The following SHLD2 variants were observed in gnomAD, a reference collection of about 807,000 sequenced individuals.
The protein encoded by SHLD2 is RINN1-REV7-interacting novel NHEJ regulator 2.
A neutral mutation model predicts 73.2 loss-of-function variants in SHLD2; 30 were observed. That is an observed-to-expected ratio of 0.41 (90% CI 0.31 to 0.56). The LOEUF is 0.56. SHLD2 is among the 20% of genes least tolerant of loss of function. The pLI, the probability that SHLD2 is intolerant of heterozygous loss-of-function variation, is 0.28. For synonymous variants in SHLD2, 285 were observed against 370.1 expected, an observed-to-expected ratio of 0.77 and a Z score of 2.64; for missense variants, 745 against 1,055.9, an observed-to-expected ratio of 0.71 and a Z score of 4.08.
rs972108890 is a variant in SHLD2, at chr10:87,098,038, A to G, written c.-6+1049A>G. Among the ~76,000 whole-genome samples, 6 of 152,128 alleles carry G rather than the reference A, an allele frequency of 3.9e-5. No homozygotes were observed. The South Asian group carries it at 8.3e-4, about 21-fold the overall frequency. On this transcript the variant is annotated intron_variant, in intron 2 of 9. Coordinates refer to ENST00000298786, the MANE Select transcript of SHLD2 (RefSeq NM_001330112.2). ...TGGCCACCGAAAGTGCTGGGATTAC[A>G]GGTGTTGAGCCACTGCACCTGGTCA...
intron 2 of SHLD2, among the ~76,000 whole-genome samples, chr10:87,142,979 G>C (rs1431748594): frequency 7.0e-6 from 1 of 143,032 alleles, no homozygotes; most frequent in Non-Finnish European, 1.5e-5. Flanking sequence ...ATCCAGGCTG[G>C]AGTGCAGTGG....
chr10:87,136,025 A>G (rs1173444906), intron 2 of SHLD2, among the ~76,000 whole-genome samples: 1 of 151,674 alleles, frequency 6.6e-6, no homozygotes, highest in Non-Finnish European at 1.5e-5. Context: ...CTCAAGGGCA[A>G]AGTGTCTATA....
In SHLD2 at chr10:87,151,862, T is replaced by C; in HGVS notation, c.508T>C (p.Leu170=). Residue 170 remains leucine, a synonymous_variant, in exon 3 of 10, where the codon TTG becomes CTG. Transcript: ENST00000298786. The stretch of plus-strand genomic sequence containing the variant: ...GAACTTTAACACAAATTTGTTTCAG[T>C]TGGGCCATAAATGTGCAGCTGTGTT... The part of the protein sequence containing the change: ...GKNFNTNLFQ[L]GHKCAAVLDL... 6.2e-7 allele frequency: 1 copy of C among 1,611,670 alleles called. No individual in the cohort carries two copies. Among genetic ancestry groups the C allele is most frequent in the Non-Finnish European group, 8.5e-7 (1 of 1,179,640 alleles).
At chr10:87,149,488 C>T (rs934417706) in intron 2 of SHLD2, among the ~76,000 whole-genome samples, 7 of 151,818 alleles carry the variant, frequency 4.6e-5, no homozygotes, top group African/African-American at 1.7e-4. Context: ...TTTGGGAGGC[C>T]AAGGTGGGTG....
At chr10:87,134,869 C>G (rs1283374130) in intron 2 of SHLD2, among the ~76,000 whole-genome samples, 1 of 152,152 alleles carries the variant, frequency 6.6e-6, no homozygotes, top group Non-Finnish European at 1.5e-5. Context: ...AAGCTGGCCT[C>G]CAGAAGGCTG....
At chr10:87,110,238 A>G (rs758601989) in intron 2 of SHLD2, among the ~76,000 whole-genome samples, 1 of 152,000 alleles carries the variant, frequency 6.6e-6, no homozygotes, top group Non-Finnish European at 1.5e-5. Context: ...GCAGTGAGCT[A>G]TGATTCTACC....
intron 2 of SHLD2, among the ~76,000 whole-genome samples, chr10:87,142,070 C>T (rs1358845049): frequency 1.3e-5 from 2 of 150,770 alleles, no homozygotes; most frequent in East Asian, 1.9e-4. Flanking sequence ...CCCATAAGTA[C>T]GTACAATTAC....
chr10:87,120,984 A>C (rs1843578614), intron 2 of SHLD2, among the ~76,000 whole-genome samples: 1 of 152,014 alleles, frequency 6.6e-6, no homozygotes, highest in African/African-American at 2.4e-5. Flanking sequence ...CGGGAGGCAG[A>C]GGTTGCGGTG....
chr10:87,165,362 A>T (rs1200854024), intron 4 of SHLD2, among the ~76,000 whole-genome samples: 2 of 152,204 alleles, frequency 1.3e-5, no homozygotes, highest in Non-Finnish European at 2.9e-5. Flanking sequence ...ATACCAGCAT[A>T]CTAGAGGGAA....
At chr10:87,176,590 A>T (rs1037451483) in intron 7 of SHLD2, among the ~76,000 whole-genome samples, 1 of 152,284 alleles carries the variant, frequency 6.6e-6, no homozygotes, top group Non-Finnish European at 1.5e-5. Flanking sequence ...GGAACCAGGG[A>T]CAAAGAGCAA....
At chr10:87,137,032 C>T (rs909744137) in intron 2 of SHLD2, among the ~76,000 whole-genome samples, 2 of 152,032 alleles carry the variant, frequency 1.3e-5, no homozygotes. Flanking sequence ...TAAAATATTA[C>T]TTAATTTAAT....
At chr10:87,120,258 A>ATTTATTTT (rs1554828299) in intron 2 of SHLD2, among the ~76,000 whole-genome samples, 32 of 148,690 alleles carry the variant, frequency 2.2e-4, no homozygotes, top group African/African-American at 6.6e-4. Context: ...TTATTTATTT[A>ATTTATTTT]TTTTTTTGAG....
intron 2 of SHLD2, among the ~76,000 whole-genome samples, chr10:87,099,476 T>G (rs1376225768): frequency 2.6e-5 from 4 of 152,250 alleles, no homozygotes; most frequent in African/African-American, 9.6e-5. Flanking sequence ...GGTTTATGCG[T>G]GTAGCATGTA....
At chr10:87,182,013 C>T (rs1848342870) in intron 8 of SHLD2, among the ~76,000 whole-genome samples, 1 of 152,100 alleles carries the variant, frequency 6.6e-6, no homozygotes, top group Non-Finnish European at 1.5e-5. Context: ...GGTGATCCAC[C>T]CGTCTCAGCC....
intron 2 of SHLD2, among the ~76,000 whole-genome samples, chr10:87,111,640 C>CAAAAAAA (rs972282870): frequency 1.5e-5 from 1 of 66,874 alleles, no homozygotes; most frequent in Non-Finnish European, 2.9e-5. Flanking sequence ...GAGTCTGTCT[C>CAAAAAAA]AAAAAAAAAA....
rs1408261256 is a variant in SHLD2 at position 87,170,569 on chromosome 10, G to A, written c.1725G>A (p.Gln575=). The A allele has an allele frequency of 5.0e-6, 8 of 1,613,586 alleles. No individual in the cohort carries two copies. Among genetic ancestry groups the A allele is most frequent in the Admixed American group, 1.7e-5 (1 of 59,940 alleles). The change falls in exon 5 of 10, where the codon CAG becomes CAA. Residue 575 remains glutamine (Q), a synonymous_variant. Transcript: ENST00000298786. Reference sequence around the variant, plus strand: ...ACCTCAGAGATCTTCCTCCGAGGCAGCCTCAGAGGGTGAACAGTATAGACT... The same window carrying A: ...ACCTCAGAGATCTTCCTCCGAGGCAACCTCAGAGGGTGAACAGTATAGACT... ...HSYLRDLPPR[Q]PQRVNSIDFV...
chr10:87,095,747 C>T (rs185233091), intron 1 of SHLD2, among the ~76,000 whole-genome samples: 13 of 152,318 alleles, frequency 8.5e-5, no homozygotes, highest in African/African-American at 3.1e-4. Flanking sequence ...TGTCGCCCCA[C>T]AGTACTGACT....
chr10:87,120,816 G>A (rs1264644113), intron 2 of SHLD2, among the ~76,000 whole-genome samples: 2 of 151,982 alleles, frequency 1.3e-5, no homozygotes, highest in African/African-American at 4.8e-5. Flanking sequence ...CACTTTGGGA[G>A]GCCGAGGTGG....
intron 2 of SHLD2, among the ~76,000 whole-genome samples, chr10:87,106,386 T>A (rs563848743): frequency 5.6e-4 from 85 of 151,656 alleles, no homozygotes; most frequent in African/African-American, 2.0e-3. Context: ...GCTGTCTTAC[T>A]GTGATAATAT....
Sources: allele counts gnomAD v4.1 joint callset (sites outside exome capture counted in the v4.1 genomes callset), GRCh38; gene constraint gnomAD v4.1.1; transcripts MANE v1.5; gene names NCBI Gene and HGNC (gene_info 2026-07-23, HGNC 2026-07-21).